Variants in CPNE8 observed in about 807,000 individuals in gnomAD.
CPNE8 encodes copine-8.
Under a neutral mutation model 81.5 loss-of-function variants are expected in CPNE8, and 45 were observed. That is an observed-to-expected ratio of 0.55 (90% CI 0.44 to 0.71). The LOEUF (loss-of-function observed/expected upper bound fraction) is 0.71, where lower values mean the gene tolerates loss of function less well. CPNE8 is among the 30% of genes least tolerant of loss of function. The pLI is 0.00. For synonymous variants in CPNE8, 252 were observed against 226.3 expected (o/e 1.11, Z -1.02); for missense variants, 594 against 672.1 (o/e 0.88, Z 1.28).
chr12:38,872,484 C>A (rs951151567), intron 3 of CPNE8, among the ~76,000 whole-genome samples: 1 of 152,194 alleles, frequency 6.6e-6, no homozygotes, highest in Non-Finnish European at 1.5e-5. Flanking sequence ...ATCATCCGCC[C>A]ATTTGAATGT....
At chr12:38,853,788 CTAAT>C (rs1943684344) in intron 3 of CPNE8, among the ~76,000 whole-genome samples, 1 of 151,948 alleles carries the variant, frequency 6.6e-6, no homozygotes. Flanking sequence ...TCTAAATCAA[CTAAT>C]TATTAAACTA....
chr12:38,890,997 G>A (rs1592159159), intron 1 of CPNE8, among the ~76,000 whole-genome samples: 1 of 151,488 alleles, frequency 6.6e-6, no homozygotes. Flanking sequence ...CATAGTTTCG[G>A]CTCACTGCAA....
chr12:38,861,768 G>A (rs1028162763), intron 3 of CPNE8, among the ~76,000 whole-genome samples: 2 of 152,010 alleles, frequency 1.3e-5, no homozygotes, highest in Non-Finnish European at 2.9e-5. Flanking sequence ...GCAAGAACTA[G>A]GGAAATACTG....
At chr12:38,755,590 C>T (rs1319037118) in intron 10 of CPNE8, among the ~76,000 whole-genome samples, 6 of 150,410 alleles carry the variant, frequency 4.0e-5, no homozygotes, top group African/African-American at 1.5e-4. Context: ...CCACCCATCT[C>T]AAAAAAAGAA....
intron 19 of CPNE8, among the ~76,000 whole-genome samples, chr12:38,665,363 T>C (rs1220084371): frequency 1.3e-5 from 2 of 152,228 alleles, no homozygotes; most frequent in East Asian, 3.8e-4. Flanking sequence ...ATCACATTCA[T>C]GTAAAGAATA....
At chr12:38,855,221 T>C (rs2137069716) in intron 3 of CPNE8, among the ~76,000 whole-genome samples, 1 of 151,678 alleles carries the variant, frequency 6.6e-6, no homozygotes, top group East Asian at 1.9e-4. Context: ...AAAAAAACAC[T>C]GATGAAAGAA....
intron 5 of CPNE8, among the ~76,000 whole-genome samples, chr12:38,837,433 C>T (rs1375152653): frequency 6.6e-6 from 1 of 152,062 alleles, no homozygotes; most frequent in Non-Finnish European, 1.5e-5. Flanking sequence ...TTGAAACTTG[C>T]ATTTGCTAAG....
intron 6 of CPNE8, among the ~76,000 whole-genome samples, chr12:38,783,237 C>T (rs1942094535): frequency 6.6e-6 from 1 of 152,096 alleles, no homozygotes; most frequent in Non-Finnish European, 1.5e-5. Context: ...CATTGATCAT[C>T]CCTCCTGCAA....
intron 13 of CPNE8, among the ~76,000 whole-genome samples, chr12:38,716,551 T>A (rs1404992099): frequency 2.0e-5 from 3 of 152,074 alleles, no homozygotes; most frequent in Non-Finnish European, 4.4e-5. Context: ...AAGAACACCC[T>A]ATTCAATAAA....
intron 6 of CPNE8, among the ~76,000 whole-genome samples, chr12:38,778,119 T>C (rs973033604): frequency 6.6e-6 from 1 of 152,088 alleles, no homozygotes; most frequent in Non-Finnish European, 1.5e-5. Context: ...TATAATATAA[T>C]AATAATAGAA....
intron 7 of CPNE8, among the ~76,000 whole-genome samples, chr12:38,771,320 C>T (rs1368114329): frequency 6.7e-6 from 1 of 149,826 alleles, no homozygotes; most frequent in Admixed American, 6.6e-5. Context: ...AAAAAATTAG[C>T]CAGGTGTGGC....
chr12:38,698,250 T>A (rs1939845700), intron 14 of CPNE8, among the ~76,000 whole-genome samples: 1 of 152,192 alleles, frequency 6.6e-6, no homozygotes, highest in Non-Finnish European at 1.5e-5. Context: ...ACTTTTAACA[T>A]TGGATTATTT....
intron 18 of CPNE8, among the ~76,000 whole-genome samples, chr12:38,673,897 G>T (rs1939232998): frequency 6.6e-6 from 1 of 151,906 alleles, no homozygotes; most frequent in African/African-American, 2.4e-5. Flanking sequence ...GCCTCTATAA[G>T]GAGAAGTCCT....
chr12:38,754,045 C>A (rs1337145237), intron 10 of CPNE8, among the ~76,000 whole-genome samples: 7 of 152,094 alleles, frequency 4.6e-5, no homozygotes, highest in African/African-American at 1.7e-4. Flanking sequence ...GATAAACATT[C>A]CAAAGTGGCA....
chr12:38,657,331 G>A (rs2136630548), intron 19 of CPNE8, among the ~76,000 whole-genome samples: 1 of 152,280 alleles, frequency 6.6e-6, no homozygotes, highest in South Asian at 2.1e-4. Flanking sequence ...GGGGAGGGGT[G>A]TCCACCATTG....
intron 1 of CPNE8, among the ~76,000 whole-genome samples, chr12:38,894,658 A>ACTCTCTCTCTCTCT (rs60538878): frequency 1.6e-5 from 2 of 124,460 alleles, no homozygotes; most frequent in Non-Finnish European, 3.3e-5. Flanking sequence ...ACTCCAGCTC[A>ACTCTCTCTCTCTCT]CTCTCTCTCT....
intron 19 of CPNE8, among the ~76,000 whole-genome samples, chr12:38,670,305 A>C (rs1396023788): frequency 6.6e-6 from 1 of 152,158 alleles, no homozygotes; most frequent in Non-Finnish European, 1.5e-5. Flanking sequence ...TGGAAATTTT[A>C]TGCAACTATT....
At chr12:38,781,119 T>C (rs1173439301) in intron 6 of CPNE8, among the ~76,000 whole-genome samples, 1 of 152,030 alleles carries the variant, frequency 6.6e-6, no homozygotes, top group Non-Finnish European at 1.5e-5. Context: ...AATGAGTAAA[T>C]ATGTTTAAAA....
At chr12:38,864,341 T>C (rs1216473925) in intron 3 of CPNE8, among the ~76,000 whole-genome samples, 1 of 152,180 alleles carries the variant, frequency 6.6e-6, no homozygotes, top group African/African-American at 2.4e-5. Flanking sequence ...GCTGCTTTCA[T>C]GCTACAGTAG....
Sources: allele counts gnomAD v4.1 joint callset (sites outside exome capture counted in the v4.1 genomes callset), GRCh38; gene constraint gnomAD v4.1.1; transcripts MANE v1.5; gene names NCBI Gene and HGNC (gene_info 2026-07-23, HGNC 2026-07-21).